Variants in ARHGEF3 observed in about 807,000 individuals in gnomAD.
The protein encoded by ARHGEF3 is 59.8 kDA protein.
Under a neutral mutation model 63.2 loss-of-function variants are expected in ARHGEF3, and 28 were observed. That is an observed-to-expected ratio of 0.44 (90% CI 0.33 to 0.61). The LOEUF is 0.61. ARHGEF3 is among the 20% of genes least tolerant of loss of function. ARHGEF3 has a pLI of 0.03. For synonymous variants in ARHGEF3, 266 were observed against 254.2 expected (o/e 1.05, Z -0.44); for missense variants, 533 against 659.3 (o/e 0.81, Z 2.10).
intron 3 of ARHGEF3, among the ~76,000 whole-genome samples, chr3:56,956,498 G>A (rs1700049149): frequency 6.6e-6 from 1 of 152,152 alleles, no homozygotes; most frequent in Non-Finnish European, 1.5e-5. Flanking sequence ...GTTCCTTTGA[G>A]TAACAAGTTC....
chr3:56,796,999 G>T (rs751312393), intron 1 of ARHGEF3, among the ~76,000 whole-genome samples: 17 of 151,522 alleles, frequency 1.1e-4, no homozygotes, highest in Non-Finnish European at 2.1e-4. Flanking sequence ...CTTTTTTTTT[G>T]AAATGTAAAG....
chr3:56,737,482 C>A, intron 7 of ARHGEF3, 127 bp from the exon 8 acceptor site: 1 of 609,030 alleles, frequency 1.6e-6, no homozygotes, highest in Non-Finnish European at 2.5e-6. Context: ...TAAGTTGCTA[C>A]TTTGGGAAAA....
At chr3:56,960,451 A>G (rs1700230987) in intron 2 of ARHGEF3, 1 of 152,182 alleles carries the variant, frequency 6.6e-6, no homozygotes, top group Non-Finnish European at 1.5e-5. Flanking sequence ...CTTACATGCA[A>G]AACAGGGGAA....
chr3:57,000,308 TCCCACA>T (rs759720328), intron 2 of ARHGEF3, among the ~76,000 whole-genome samples: 38 of 27,210 alleles, frequency 1.4e-3, no homozygotes, highest in East Asian at 1.4e-3. Flanking sequence ...AGAGGGTAAC[TCCCACA>T]CACACACACA....
chr3:56,859,039 G>A (rs1276287617), intron 4 of ARHGEF3, among the ~76,000 whole-genome samples: 4 of 152,150 alleles, frequency 2.6e-5, no homozygotes, highest in Non-Finnish European at 5.9e-5. Flanking sequence ...GGACTGTGGG[G>A]GCAGGGAGAT....
intron 3 of ARHGEF3, among the ~76,000 whole-genome samples, chr3:56,932,444 A>G (rs2042439954): frequency 6.6e-6 from 1 of 152,172 alleles, no homozygotes. Flanking sequence ...AAACATACCA[A>G]TAAACATTTT....
chr3:56,920,971 T>C (rs921924295), intron 3 of ARHGEF3, among the ~76,000 whole-genome samples: 7 of 147,112 alleles, frequency 4.8e-5, no homozygotes, highest in South Asian at 4.2e-4. Context: ...AGGAGAATGA[T>C]GTGAACCTGG....
At chr3:57,024,015 T>A (rs1451921379) in intron 2 of ARHGEF3, among the ~76,000 whole-genome samples, 1 of 152,200 alleles carries the variant, frequency 6.6e-6, no homozygotes, top group African/African-American at 2.4e-5. Flanking sequence ...CAAATTGGCA[T>A]GGGGTTGGTT....
At chr3:56,899,146 T>G (rs539720093) in intron 3 of ARHGEF3, among the ~76,000 whole-genome samples, 1 of 152,278 alleles carries the variant, frequency 6.6e-6, no homozygotes, top group South Asian at 2.1e-4. Context: ...CCTCCCCTCA[T>G]TGATGGAAAG....
At chr3:56,978,737 G>A (rs1157591324) in intron 2 of ARHGEF3, among the ~76,000 whole-genome samples, 6 of 152,108 alleles carry the variant, frequency 3.9e-5, no homozygotes, top group Admixed American at 2.0e-4. Flanking sequence ...TCATCCTAAC[G>A]ATAATTAATT....
intron 3 of ARHGEF3, 59 bp from the exon 4 acceptor site, chr3:56,753,625 A>T: frequency 2.7e-6 from 4 of 1,495,782 alleles, no homozygotes; most frequent in Non-Finnish European, 3.7e-6. Context: ...GACCATATTC[A>T]AATAGTGCTG....
At chr3:56,772,508 T>G (rs921024946) in intron 2 of ARHGEF3, among the ~76,000 whole-genome samples, 1 of 152,216 alleles carries the variant, frequency 6.6e-6, no homozygotes, top group Non-Finnish European at 1.5e-5. Flanking sequence ...CATGGCAGAC[T>G]CAAGACTGCT....
chr3:57,032,886 G>A (rs1441965358), intron 2 of ARHGEF3, among the ~76,000 whole-genome samples: 2 of 152,112 alleles, frequency 1.3e-5, no homozygotes, highest in Non-Finnish European at 2.9e-5. Flanking sequence ...CCACTCCTGG[G>A]AAGGGCCAGG....
intron 2 of ARHGEF3, among the ~76,000 whole-genome samples, chr3:56,994,064 C>CAAAAAAAAAAAAAA (rs60299557): frequency 0.027 from 1,604 of 59,578 alleles, 330 homozygotes; most frequent in Middle Eastern, 0.061. Flanking sequence ...AACTTCGTCT[C>CAAAAAAAAAAAAAA]AAAAAAAAAA....
intron 2 of ARHGEF3, among the ~76,000 whole-genome samples, chr3:56,986,802 G>A (rs1235246444): frequency 3.0e-5 from 3 of 99,514 alleles, no homozygotes; most frequent in Non-Finnish European, 4.6e-5. Flanking sequence ...AAACGCATGC[G>A]AATTTTGAAA....
intron 4 of ARHGEF3, among the ~76,000 whole-genome samples, chr3:56,812,428 G>T (rs1578579164): frequency 6.6e-6 from 1 of 152,184 alleles, no homozygotes; most frequent in Non-Finnish European, 1.5e-5. Flanking sequence ...AGGTGGACTT[G>T]CCAGGAAGGC....
At chr3:56,922,423 A>G (rs1308594650) in intron 3 of ARHGEF3, among the ~76,000 whole-genome samples, 1 of 141,886 alleles carries the variant, frequency 7.0e-6, no homozygotes, top group Non-Finnish European at 1.5e-5. Context: ...TTACTTGGAA[A>G]TGAGACTTAC....
At chr3:56,984,736 T>C (rs966088328) in intron 2 of ARHGEF3, among the ~76,000 whole-genome samples, 9 of 152,158 alleles carry the variant, frequency 5.9e-5, no homozygotes, top group African/African-American at 2.2e-4. Flanking sequence ...TAGAGTTTTC[T>C]AGATTATGAA....
chr3:56,787,626 T>C (rs1025328416), intron 1 of ARHGEF3, among the ~76,000 whole-genome samples: 1 of 152,082 alleles, frequency 6.6e-6, no homozygotes, highest in Admixed American at 6.5e-5. Flanking sequence ...AGTAATTAAC[T>C]GGCAGTGGTG....
Sources: allele counts gnomAD v4.1 joint callset (sites outside exome capture counted in the v4.1 genomes callset), GRCh38; gene constraint gnomAD v4.1.1; transcripts MANE v1.5; gene names NCBI Gene and HGNC (gene_info 2026-07-23, HGNC 2026-07-21).